AMHR2: variants seen among roughly 807,000 people sequenced by gnomAD.
AMHR2 encodes the protein anti-Mullerian hormone receptor type 2.
A neutral mutation model predicts 61.4 loss-of-function variants in AMHR2; 36 were observed. The ratio of observed to expected loss-of-function variants is 0.59; its 90% CI spans 0.45 to 0.77. The LOEUF is 0.77. Among genes scored for constraint, AMHR2 ranks in the 30% least tolerant of loss-of-function variants. The pLI, the probability that AMHR2 is intolerant of heterozygous loss-of-function variation, is 0.00. For synonymous variants in AMHR2, 258 were observed against 279.4 expected (o/e 0.92, Z 0.76); for missense variants, 638 against 714.6 (o/e 0.89, Z 1.22).
chr12:53,424,398 C>T lies in AMHR2; in HGVS notation c.160C>T (p.Arg54Cys), dbSNP rs534999427. 1.8e-5 allele frequency: 29 copies of T among 1,613,622 alleles called. 1 individual carries two copies. The South Asian group carries it at 2.4e-4, about 13-fold the overall frequency. The change falls in exon 2 of 11, where the codon CGC (arginine) becomes TGC (cysteine). Residue 54 changes from arginine to cysteine, a missense_variant. Physicochemically the swap from Arg to Cys is radical, Grantham distance 180 (BLOSUM62 -3). Coordinates refer to ENST00000257863, the MANE Select transcript of AMHR2 (RefSeq NM_020547.3). ...DTGTELPRAI[R>C]CLYSRCCFGI... ...AGGCACAGAGCTCCCCAGAGCTATCCGCTGCCTCTACAGCCGCTGCTGCTT... is the reference window on the plus strand; with the variant it reads ...AGGCACAGAGCTCCCCAGAGCTATCTGCTGCCTCTACAGCCGCTGCTGCTT...
intron 10 of AMHR2, chr12:53,430,973 T>C (rs1440988494): frequency 7.7e-6 from 5 of 652,322 alleles, no homozygotes; most frequent in East Asian, 2.7e-5. Flanking sequence ...CAGTGGGCTA[T>C]ACAGAAGGCC....
In AMHR2 at chr12:53,431,541, T is replaced by C. The variant is rs10876455; in HGVS notation, c.*68T>C. 277,148 of 1,596,230 alleles carry C rather than the reference T, an allele frequency of 0.17. 24,642 individuals are homozygous for C. Among genetic ancestry groups the C allele is most frequent in the Admixed American group, 0.2 (12,073 of 59,780 alleles). On this transcript the variant is annotated 3_prime_UTR_variant, in exon 11 of 11. Coordinates refer to ENST00000257863, the MANE Select transcript of AMHR2 (RefSeq NM_020547.3). ...ATGGCGATTGTATAGCTGTCTTGTC[T>C]GCCTCATCACTGCATTTCCCACCTG...
intron 2 of AMHR2, 28 bp downstream of exon 2, chr12:53,424,498 T>C (rs376689936): frequency 8.1e-6 from 13 of 1,605,998 alleles, no homozygotes; most frequent in Non-Finnish European, 9.4e-6. Context: ...TGGCAGGTGA[T>C]GGCTAGGGTG....
At chr12:53,424,928 A>T in intron 3 of AMHR2, 28 bp downstream of exon 3, 2 of 1,602,572 alleles carry the variant, frequency 1.2e-6, no homozygotes. Flanking sequence ...CTGAAGCCTG[A>T]TGGGGGCTGG....
rs749197046 is a variant in AMHR2, at chr12:53,430,281, C to T, written c.1424C>T (p.Thr475Ile). ...CCATCCACCTGGCGCTGCTTTGCCA[C>T]AGTAAGAGGCCTAGGCTGTTGGTCT... is the stretch of plus-strand genomic sequence containing the variant. Reference protein sequence around the residue: ...YIPSTWRCFATDPDGLRELLE... With the variant: ...YIPSTWRCFAIDPDGLRELLE... The change falls in exon 10 of 11, where the codon ACA becomes ATA. Residue 475 changes from threonine to isoleucine, a missense_variant and splice_region_variant. Coordinates refer to ENST00000257863, the MANE Select transcript of AMHR2 (RefSeq NM_020547.3). 3 of 1,614,160 alleles carry T rather than the reference C, an allele frequency of 1.9e-6. No homozygotes were observed. Among genetic ancestry groups the T allele is most frequent in the South Asian group, 2.2e-5 (2 of 91,086 alleles).
Position 53,431,367 on chromosome 12 carries a change from CT to C in AMHR2, c.1617del (p.Thr540ProfsTer48), listed in dbSNP as rs752915537. On this transcript the variant is annotated frameshift_variant, in exon 11 of 11. Transcript: ENST00000257863. LOFTEE classifies it low-confidence loss of function (END_TRUNC). ...CPEDCTSIPA[P>X]TILPCRPQRS... Reference sequence around the variant, plus strand: ...GAAGACTGTACTTCAATTCCTGCCCCTACCATCCTCCCCTGTAGGCCTCAGC... The same window carrying C: ...GAAGACTGTACTTCAATTCCTGCCCCACCATCCTCCCCTGTAGGCCTCAGC... 9 of 1,614,122 alleles carry C rather than the reference CT, an allele frequency of 5.6e-6. No homozygotes were observed. In the African/African-American group the frequency reaches 8.0e-5, roughly 14 times the overall value.
chr12:53,431,540 C>A lies in AMHR2; in HGVS notation c.*67C>A. On this transcript the variant is annotated 3_prime_UTR_variant, in exon 11 of 11. Coordinates refer to ENST00000257863, the MANE Select transcript of AMHR2 (RefSeq NM_020547.3). ...TATGGCGATTGTATAGCTGTCTTGT[C>A]TGCCTCATCACTGCATTTCCCACCT... 2 of 1,598,126 alleles carry A rather than the reference C, an allele frequency of 1.3e-6. No homozygotes were observed. The highest frequency in any genetic ancestry group is 1.7e-6 in the Non-Finnish European group (2 of 1,167,292).
Position 53,428,925 on chromosome 12 carries a change from C to T in AMHR2, c.882C>T (p.Tyr294=), listed in dbSNP as rs1346898123. 8 of 1,551,670 alleles carry T rather than the reference C, an allele frequency of 5.2e-6. No individual in the cohort carries two copies. The East Asian group carries it at 9.8e-5, about 19-fold the overall frequency. ...CCCTGTGCCACTACTTGACCCAGTACACCAGTGACTGGGGAAGTTCCCTGC... is the reference window on the plus strand; with the variant it reads ...CCCTGTGCCACTACTTGACCCAGTATACCAGTGACTGGGGAAGTTCCCTGC... ...KGSLCHYLTQ[Y]TSDWGSSLRM... is the part of the protein sequence containing the mutation. The change falls in exon 7 of 11, where the codon TAC becomes TAT. Residue 294 remains tyrosine, a synonymous_variant. Coordinates refer to ENST00000257863, the MANE Select transcript of AMHR2 (RefSeq NM_020547.3).
chr12:53,427,652 C>T (rs1356638839), intron 6 of AMHR2, among the ~76,000 whole-genome samples: 6 of 152,332 alleles, frequency 3.9e-5, no homozygotes, highest in African/African-American at 1.2e-4. Context: ...ATCTGCCTGC[C>T]TCGGCCTCCC....
At position 53,424,306 on chromosome 12, in the gene AMHR2, C is replaced by T. The variant is rs115256747; in HGVS notation, c.68C>T (p.Thr23Ile). 75 of 1,612,638 alleles carry T rather than the reference C, an allele frequency of 4.7e-5. No homozygotes were observed. In the African/African-American group the frequency reaches 7.9e-4, roughly 17 times the overall value. The change falls in exon 2 of 11, where the codon ACC becomes ATC. Residue 23 changes from threonine to isoleucine, a missense_variant. Transcript: ENST00000257863. ...TAVEAPPNRR[T>I]CVFFEAPGVR... The stretch of plus-strand genomic sequence containing the variant: ...GCCTCAGCACCCCCAAACAGGCGAA[C>T]CTGTGTGTTCTTTGAGGCCCCTGGA...
chr12:53,424,811 G>GCA lies in AMHR2; in HGVS notation c.337_338dup (p.Asp114LeufsTer96). 6.2e-7 allele frequency: 1 copy of GCA among 1,614,042 alleles called. No individual in the cohort carries two copies. The highest frequency in any genetic ancestry group is 8.5e-7 in the Non-Finnish European group (1 of 1,180,012). The stretch of plus-strand genomic sequence containing the variant: ...TCCACTCTCTTCACCTGCTCCTGTG[G>GCA]CACTGACTTCTGCAATGCCAATTAC... On this transcript the variant is annotated frameshift_variant, in exon 3 of 11. Transcript: ENST00000257863. LOFTEE classifies it high-confidence loss of function.
chr12:53,430,177 T>A lies in AMHR2; in HGVS notation c.1320T>A (p.Tyr440Ter). 6.2e-7 allele frequency: 1 copy of A among 1,614,178 alleles called. No homozygotes were observed. Among genetic ancestry groups the A allele is most frequent in the Non-Finnish European group, 8.5e-7 (1 of 1,180,026 alleles). ...GTCCACCACCCTTCCAACTGGCCTA[T>A]GAGGCAGAACTGGGCAATACCCCTA... ...DSSPPPFQLA[Y>*]EAELGNTPTS... The change falls in exon 10 of 11, where the codon TAT (tyrosine) becomes TAA (stop). Residue 440 changes from tyrosine (Y) to a stop codon, truncating the protein, a stop_gained. Coordinates refer to ENST00000257863, the MANE Select transcript of AMHR2 (RefSeq NM_020547.3). LOFTEE classifies it high-confidence loss of function.
Position 53,423,897 on chromosome 12 carries a change from A to G in AMHR2, c.-38A>G. 1 of 1,613,098 alleles carries G rather than the reference A, an allele frequency of 6.2e-7. No individual in the cohort carries two copies. Among genetic ancestry groups the G allele is most frequent in the Non-Finnish European group, 8.5e-7 (1 of 1,179,234 alleles). ...TGGCCAGGGGCAGCTGTGCTGGCTT[A>G]TGCTCTTCTCCTTCTGCTGCTGCCA... On this transcript the variant is annotated 5_prime_UTR_variant, in exon 1 of 11. The change abolishes an upstream ATG in the 5' untranslated region. Coordinates refer to ENST00000257863, the MANE Select transcript of AMHR2 (RefSeq NM_020547.3).
Position 53,429,959 on chromosome 12 carries a change from C to T in AMHR2, c.1269C>T (p.Arg423=). 1 of 1,614,222 alleles carries T rather than the reference C, an allele frequency of 6.2e-7. No homozygotes were observed. Among genetic ancestry groups the T allele is most frequent in the Non-Finnish European group, 8.5e-7 (1 of 1,180,040 alleles). ...TGCTCCTGTGGGAGATACTGAGCCG[C>T]TGCCCAGATTTGAGGCCTGGTAAGG... The part of the protein sequence containing the change: ...LALLLWEILS[R]CPDLRPDSSP... The change falls in exon 9 of 11, where the codon CGC becomes CGT. Residue 423 remains arginine, a synonymous_variant. Coordinates refer to ENST00000257863, the MANE Select transcript of AMHR2 (RefSeq NM_020547.3).
chr12:53,424,467 C>G lies in AMHR2; in HGVS notation c.229C>G (p.Gln77Glu), dbSNP rs765331053. 6.2e-7 allele frequency: 1 copy of G among 1,612,496 alleles called. No individual in the cohort carries two copies. ...CCAAGACCGGGCACAGGTGGAAATGCAAGGTGAATGGCAAAGTATATGGCA... is the reference window on the plus strand; with the variant it reads ...CCAAGACCGGGCACAGGTGGAAATGGAAGGTGAATGGCAAAGTATATGGCA... The part of the protein sequence containing the change: ...LTQDRAQVEM[Q>E]GCRDSDEPGC... The change falls in exon 2 of 11, where the codon CAA becomes GAA. Residue 77 changes from glutamine (Q) to glutamate (E), a missense_variant. By Grantham distance (29) the Gln-to-Glu change is conservative (BLOSUM62 2). Transcript: ENST00000257863.
intron 7 of AMHR2, among the ~76,000 whole-genome samples, chr12:53,429,252 C>T (rs1175902093): frequency 6.6e-6 from 1 of 151,912 alleles, no homozygotes. Context: ...ATTAGCCGGG[C>T]GTGGTGGCAT....
At position 53,425,935 on chromosome 12, in the gene AMHR2, T is replaced by C; in HGVS notation, c.852+16T>C. ...GCATCCCAAGGTGAGCACCAAGGAGTGTATATGTGTGTGTGTGTGCCTGTG... is the reference window on the plus strand; with the variant it reads ...GCATCCCAAGGTGAGCACCAAGGAGCGTATATGTGTGTGTGTGTGCCTGTG... On this transcript the variant is annotated intron_variant, in intron 6 of 10. Transcript: ENST00000257863. The C allele has an allele frequency of 6.2e-7, 1 of 1,607,758 alleles. No individual in the cohort carries two copies.
chr12:53,425,230 A>G lies in AMHR2; in HGVS notation c.490A>G (p.Ser164Gly). ...LFLLLLLLLGSIILALLQRKN... is the reference protein window; with the variant it reads ...LFLLLLLLLGGIILALLQRKN... ...CCTCCTCCTCCTGCTGCTGCTGGGC[A>G]GCATCATCTTGGGTACTAATCCACC... The change falls in exon 4 of 11, where the codon AGC becomes GGC. Residue 164 changes from serine to glycine, a missense_variant. Physicochemically the swap from Ser to Gly is moderately conservative, Grantham distance 56. Transcript: ENST00000257863. The G allele has an allele frequency of 1.9e-6, 3 of 1,613,714 alleles. No individual in the cohort carries two copies. The highest frequency in any genetic ancestry group is 1.7e-6 in the Non-Finnish European group (2 of 1,180,004).
In AMHR2 at chr12:53,429,135, A is replaced by G. The variant is rs144081755; in HGVS notation, c.967+125A>G. Reference sequence around the variant, plus strand: ...GAGCCGGGCACGGTGGCTCACGCCTATAATCCCAGCACTTTGGGAGGCCGA... The same window carrying G: ...GAGCCGGGCACGGTGGCTCACGCCTGTAATCCCAGCACTTTGGGAGGCCGA... On this transcript the variant is annotated intron_variant, in intron 7 of 10. Transcript: ENST00000257863. 3.0e-3 allele frequency: 2,785 copies of G among 934,794 alleles called. 49 individuals are homozygous for G. The African/African-American group carries it at 0.041, about 14-fold the overall frequency. 57.9% of individuals were successfully genotyped at this position (934,794 alleles called of 1,614,324 possible).
Sources: allele counts gnomAD v4.1 joint callset (sites outside exome capture counted in the v4.1 genomes callset), GRCh38; gene constraint gnomAD v4.1.1; transcripts MANE v1.5; gene names NCBI Gene and HGNC (gene_info 2026-07-23, HGNC 2026-07-21).